The following CAB39 variants were observed in gnomAD, a reference collection of about 807,000 sequenced individuals.
CAB39 encodes the protein calcium binding protein 39.
CAB39 carries 8 observed loss-of-function variants against 40.0 expected under a neutral mutation model. That is an observed-to-expected ratio of 0.20 (90% CI 0.12 to 0.36). The LOEUF is 0.36. Ranked by LOEUF, CAB39 falls within the 10% of genes least tolerant of loss-of-function variation. The probability of loss-of-function intolerance (pLI) is 1.00; values close to 1 mark genes in which losing one functional copy is unlikely to be tolerated. For synonymous variants in CAB39, 156 were observed against 141.6 expected, an observed-to-expected ratio of 1.10 and a Z score of -0.72; for missense variants, 270 against 401.1, an observed-to-expected ratio of 0.67 and a Z score of 2.79.
rs2124977659 is a variant in CAB39 at position 230,808,056 on chromosome 2, CT to C, written c.568-2203del. On this transcript the variant is annotated intron_variant, in intron 5 of 8. Transcript: ENST00000258418. ...CTGCTCTGTGCCAGGCACTTTTTTT[CT>C]TTTCTTTTCTTTTCTTTTCTTTTTT... Among the ~76,000 whole-genome samples the C allele has an allele frequency of 7.2e-5, 5 of 68,976 alleles. No homozygotes were observed. The African/African-American group carries it at 1.5e-3, about 21-fold the overall frequency. The allele number at this position is 68,976 out of a possible 152,430, so 45.3% of individuals were successfully genotyped here.
chr2:230,761,894 G>GTTC (rs1476165214), intron 2 of CAB39, among the ~76,000 whole-genome samples: 1 of 139,046 alleles, frequency 7.2e-6, no homozygotes, highest in African/African-American at 2.5e-5. Flanking sequence ...TTTATTTGTT[G>GTTC]TTGTTGTTGT....
chr2:230,759,941 C>A lies in CAB39; in HGVS notation c.-43-18C>A. 1 of 848,118 alleles carries A rather than the reference C, an allele frequency of 1.2e-6. No individual in the cohort carries two copies. The allele number at this position is 848,118 out of a possible 1,614,324, so 52.5% of individuals were successfully genotyped here. ...TGATCCCAGTGTTTGCTCACATGAA[C>A]CTTGTGCTGTGTTCTAGGTAGCACA... On this transcript the variant is annotated intron_variant, in intron 1 of 8. Coordinates refer to ENST00000258418, the MANE Select transcript of CAB39 (RefSeq NM_016289.4).
chr2:230,738,714 G>A (rs1158564653), intron 1 of CAB39, among the ~76,000 whole-genome samples: 1 of 152,178 alleles, frequency 6.6e-6, no homozygotes, highest in Non-Finnish European at 1.5e-5. Context: ...TCCTACTATG[G>A]TGGTTTAGCT....
At chr2:230,810,238 A>G (rs1575963178) in intron 5 of CAB39, 25 bp from the exon 6 acceptor site, 2 of 1,209,758 alleles carry the variant, frequency 1.7e-6, no homozygotes, top group South Asian at 2.8e-5. Context: ...GAACAACTGT[A>G]AACAATTTTT....
chr2:230,723,959 G>A (rs1466326383), intron 1 of CAB39, among the ~76,000 whole-genome samples: 3 of 152,196 alleles, frequency 2.0e-5, no homozygotes, highest in African/African-American at 7.2e-5. Context: ...ATAGCATAAA[G>A]AGGGTCTGGC....
chr2:230,784,108 A>G (rs969679813), intron 2 of CAB39, among the ~76,000 whole-genome samples: 2 of 152,146 alleles, frequency 1.3e-5, no homozygotes, highest in African/African-American at 4.8e-5. Context: ...TTGGGTGGTG[A>G]TGGTAGACGG....
chr2:230,766,988 T>C (rs1695396223), intron 2 of CAB39, among the ~76,000 whole-genome samples: 1 of 152,236 alleles, frequency 6.6e-6, no homozygotes, highest in Admixed American at 6.5e-5. Flanking sequence ...GGAAGTACGC[T>C]GAACCCATAT....
chr2:230,814,998 T>C (rs1031852422), intron 7 of CAB39, among the ~76,000 whole-genome samples: 1 of 152,248 alleles, frequency 6.6e-6, no homozygotes, highest in African/African-American at 2.4e-5. Context: ...TCTGGACCGA[T>C]AATGACCAAG....
chr2:230,729,120 A>G (rs527418372), intron 1 of CAB39, among the ~76,000 whole-genome samples: 1 of 152,350 alleles, frequency 6.6e-6, no homozygotes, highest in South Asian at 2.1e-4. Flanking sequence ...CCAAAAGGTT[A>G]AATAGTCTGC....
chr2:230,774,769 G>C (rs1012171545), intron 2 of CAB39, among the ~76,000 whole-genome samples: 1 of 151,716 alleles, frequency 6.6e-6, no homozygotes, highest in East Asian at 1.9e-4. Flanking sequence ...TACTAAACTT[G>C]TTTACAGTAA....
At chr2:230,739,229 A>T (rs1011502593) in intron 1 of CAB39, among the ~76,000 whole-genome samples, 11 of 152,246 alleles carry the variant, frequency 7.2e-5, no homozygotes, top group Admixed American at 7.2e-4. Flanking sequence ...AGATATTTTT[A>T]AAATGTGGAC....
At chr2:230,780,459 C>G (rs1339617390) in intron 2 of CAB39, among the ~76,000 whole-genome samples, 1 of 152,194 alleles carries the variant, frequency 6.6e-6, no homozygotes, top group Non-Finnish European at 1.5e-5. Flanking sequence ...TCACACGTTA[C>G]ATGTAAGGAG....
intron 3 of CAB39, among the ~76,000 whole-genome samples, chr2:230,791,911 A>G (rs1353188108): frequency 6.6e-6 from 1 of 152,158 alleles, no homozygotes; most frequent in South Asian, 2.1e-4. Flanking sequence ...ATGCCTCTTT[A>G]ACTCTTTGTC....
At chr2:230,803,213 T>C (rs557599818) in intron 5 of CAB39, among the ~76,000 whole-genome samples, 1 of 152,364 alleles carries the variant, frequency 6.6e-6, no homozygotes, top group East Asian at 1.9e-4. Flanking sequence ...CAGCCTTTCG[T>C]GCTAAAAACT....
chr2:230,796,800 G>A (rs1695994617), intron 4 of CAB39, among the ~76,000 whole-genome samples: 1 of 152,110 alleles, frequency 6.6e-6, no homozygotes, highest in Non-Finnish European at 1.5e-5. Flanking sequence ...GTTCCTAGTA[G>A]TTTAGAATTT....
At chr2:230,768,246 A>G (rs192549754) in intron 2 of CAB39, among the ~76,000 whole-genome samples, 1 of 152,218 alleles carries the variant, frequency 6.6e-6, no homozygotes, top group Non-Finnish European at 1.5e-5. Context: ...AGAGAGTACC[A>G]TAGCTAGGTA....
chr2:230,741,647 A>G (rs1694879125), intron 1 of CAB39, among the ~76,000 whole-genome samples: 1 of 152,148 alleles, frequency 6.6e-6, no homozygotes, highest in African/African-American at 2.4e-5. Flanking sequence ...AGGAATGGGA[A>G]TTTGATCACA....
intron 1 of CAB39, among the ~76,000 whole-genome samples, chr2:230,741,611 G>C (rs2124890318): frequency 6.6e-6 from 1 of 152,276 alleles, no homozygotes; most frequent in East Asian, 1.9e-4. Flanking sequence ...GAGTAGCTGG[G>C]ATTACAGGCA....
intron 2 of CAB39, among the ~76,000 whole-genome samples, chr2:230,764,589 G>T (rs1018784200): frequency 6.6e-6 from 1 of 152,172 alleles, no homozygotes; most frequent in African/African-American, 2.4e-5. Context: ...TAACACCACT[G>T]ATCTCATTAG....
Sources: gnomAD v4.1 joint callset for allele counts (sites outside exome capture counted in the v4.1 genomes callset) on GRCh38, gnomAD v4.1.1 for gene constraint, MANE v1.5 for transcripts, NCBI Gene and HGNC (gene_info 2026-07-23, HGNC 2026-07-21) for gene names.